Variants in DPP10 observed in about 807,000 individuals in gnomAD.
The protein encoded by DPP10 is dipeptidyl peptidase like 10.
DPP10 carries 33 observed loss-of-function variants against 120.9 expected under a neutral mutation model. The observed-to-expected ratio is 0.27, with a 90% CI of 0.21 to 0.37. The LOEUF (loss-of-function observed/expected upper bound fraction) is 0.37. Among genes scored for constraint, DPP10 ranks in the 10% least tolerant of loss-of-function variants. The probability of loss-of-function intolerance (pLI) is 1.00; values close to 1 mark genes in which losing one functional copy is unlikely to be tolerated. For missense variants in DPP10, 816 were observed against 942.8 expected, an observed-to-expected ratio of 0.87 and a Z score of 1.76; for synonymous variants, 337 against 326.1, an observed-to-expected ratio of 1.03 and a Z score of -0.36.
intron 5 of DPP10, among the ~76,000 whole-genome samples, chr2:115,573,444 G>A (rs1225965433): frequency 2.0e-5 from 3 of 151,250 alleles, no homozygotes; most frequent in Non-Finnish European, 4.4e-5. Flanking sequence ...CACCACGCCC[G>A]GCTAATTTTT....
chr2:114,752,443 C>T (rs113745948), intron 1 of DPP10, among the ~76,000 whole-genome samples: 38 of 152,280 alleles, frequency 2.5e-4, no homozygotes, highest in South Asian at 6.2e-4. Context: ...ATTAGAGCCT[C>T]GAATTAAAAA....
At chr2:114,522,135 A>G (rs1436805998) in intron 1 of DPP10, among the ~76,000 whole-genome samples, 2 of 145,388 alleles carry the variant, frequency 1.4e-5, no homozygotes, top group Admixed American at 6.8e-5. Context: ...GCCCGCCACT[A>G]CACCCGGCTA....
At chr2:115,698,972 G>T (rs375378099) in intron 7 of DPP10, among the ~76,000 whole-genome samples, 14 of 133,704 alleles carry the variant, frequency 1.0e-4, no homozygotes, top group African/African-American at 3.2e-4. Flanking sequence ...ATCAAAAGTT[G>T]GTTCTTCAAA....
At chr2:114,837,692 C>G (rs796489632) in intron 1 of DPP10, among the ~76,000 whole-genome samples, 17 of 152,308 alleles carry the variant, frequency 1.1e-4, no homozygotes, top group African/African-American at 3.8e-4. Flanking sequence ...AAACAAGCCC[C>G]TAAACCTCAA....
chr2:114,827,405 T>C (rs560329512), intron 1 of DPP10, among the ~76,000 whole-genome samples: 1 of 152,266 alleles, frequency 6.6e-6, no homozygotes, highest in African/African-American at 2.4e-5. Flanking sequence ...TATAGATCCA[T>C]TGAAAAAAAC....
At chr2:114,482,755 A>C (rs36044619) in intron 1 of DPP10, among the ~76,000 whole-genome samples, 2 of 152,148 alleles carry the variant, frequency 1.3e-5, no homozygotes, top group Non-Finnish European at 2.9e-5. Context: ...TTTGTCAGAG[A>C]TTGCTTATTA....
chr2:115,194,266 C>G (rs1368260213), intron 1 of DPP10, among the ~76,000 whole-genome samples: 1 of 152,022 alleles, frequency 6.6e-6, no homozygotes, highest in African/African-American at 2.4e-5. Context: ...CTCTTGTTGC[C>G]CGAGCTAGAG....
chr2:115,766,286 A>ATATGTGTGTG (rs1553502854), intron 12 of DPP10, among the ~76,000 whole-genome samples: 10 of 70,232 alleles, frequency 1.4e-4, no homozygotes, highest in Non-Finnish European at 2.6e-4. Flanking sequence ...CATTATATAT[A>ATATGTGTGTG]TGTGTGTGTG....
chr2:115,465,699 T>C (rs1419160362), intron 3 of DPP10, among the ~76,000 whole-genome samples: 2 of 152,094 alleles, frequency 1.3e-5, no homozygotes, highest in Non-Finnish European at 2.9e-5. Context: ...GGCGCATATC[T>C]GTAGTCCAGC....
intron 1 of DPP10, among the ~76,000 whole-genome samples, chr2:114,935,493 A>G (rs1696394299): frequency 1.3e-5 from 2 of 152,154 alleles, no homozygotes; most frequent in Admixed American, 6.6e-5. Flanking sequence ...ATTTTCATCT[A>G]TCAGAATTAT....
intron 1 of DPP10, among the ~76,000 whole-genome samples, chr2:115,067,022 A>G (rs59941366): frequency 0.37 from 55,508 of 151,824 alleles, 10,567 homozygotes; most frequent in South Asian, 0.54. Context: ...TTCATTCTGC[A>G]TAACTGCAAC....
intron 5 of DPP10, among the ~76,000 whole-genome samples, chr2:115,541,933 T>C (rs892293975): frequency 1.3e-5 from 2 of 151,968 alleles, no homozygotes; most frequent in Non-Finnish European, 2.9e-5. Context: ...AAGTACAGAC[T>C]CACACAAATT....
At chr2:115,633,689 A>G (rs768110807) in intron 5 of DPP10, among the ~76,000 whole-genome samples, 15 of 152,022 alleles carry the variant, frequency 9.9e-5, no homozygotes, top group Non-Finnish European at 1.9e-4. Context: ...AGGTGACCTG[A>G]CCTTTTTCTC....
At chr2:115,074,138 A>G (rs942605711) in intron 1 of DPP10, among the ~76,000 whole-genome samples, 2 of 152,128 alleles carry the variant, frequency 1.3e-5, no homozygotes, top group Non-Finnish European at 2.9e-5. Flanking sequence ...TAGCTTCCCT[A>G]GTCGCTTGGA....
At chr2:114,802,083 G>C (rs1684303255) in intron 1 of DPP10, among the ~76,000 whole-genome samples, 1 of 152,104 alleles carries the variant, frequency 6.6e-6, no homozygotes, top group African/African-American at 2.4e-5. Flanking sequence ...AGGATTACTT[G>C]CTTGTCATTT....
chr2:114,549,626 A>G lies in DPP10; in HGVS notation c.60+106788A>G, dbSNP rs184949328. On this transcript the variant is annotated intron_variant, in intron 1 of 25. Coordinates refer to ENST00000410059, the MANE Select transcript of DPP10 (RefSeq NM_020868.6). Reference sequence around the variant, plus strand: ...CAGTGAGCTGAGATTGTGCCACTGCACTCCAGCCTGGGCGACAGAGTGAGA... The same window carrying G: ...CAGTGAGCTGAGATTGTGCCACTGCGCTCCAGCCTGGGCGACAGAGTGAGA... Among the ~76,000 whole-genome samples the G allele has an allele frequency of 3.7e-3, 541 of 145,650 alleles. 5 individuals carry two copies. Among genetic ancestry groups the G allele is most frequent in the Middle Eastern group, 0.013 (3 of 238 alleles).
chr2:115,675,811 A>T (rs4404272), intron 5 of DPP10, among the ~76,000 whole-genome samples: 1 of 152,150 alleles, frequency 6.6e-6, no homozygotes, highest in Non-Finnish European at 1.5e-5. Context: ...CAGCACAATG[A>T]CATTTTGAGA....
intron 3 of DPP10, among the ~76,000 whole-genome samples, chr2:115,473,556 C>A (rs1446715496): frequency 6.6e-6 from 1 of 152,054 alleles, no homozygotes; most frequent in Non-Finnish European, 1.5e-5. Context: ...TCAATATCAG[C>A]CAATTTTTCA....
At chr2:114,513,734 T>C (rs1684363903) in intron 1 of DPP10, among the ~76,000 whole-genome samples, 2 of 152,140 alleles carry the variant, frequency 1.3e-5, no homozygotes, top group Non-Finnish European at 2.9e-5. Flanking sequence ...GTGTCTGTAT[T>C]TGGGGAAGAG....
Sources: allele counts gnomAD v4.1 joint callset (sites outside exome capture counted in the v4.1 genomes callset), GRCh38; gene constraint gnomAD v4.1.1; transcripts MANE v1.5; gene names NCBI Gene and HGNC (gene_info 2026-07-23, HGNC 2026-07-21).